Variants in DMD observed in about 807,000 individuals in gnomAD.
DMD encodes the protein dystrophin.
DMD carries 63 observed loss-of-function variants against 330.1 expected under a neutral mutation model. The ratio of observed to expected loss-of-function variants is 0.19; its 90% CI spans 0.16 to 0.24. The LOEUF is 0.24. Ranked by LOEUF, DMD falls within the 10% of genes least tolerant of loss-of-function variation. The probability of loss-of-function intolerance (pLI) is 1.00; values close to 1 mark genes in which losing one functional copy is unlikely to be tolerated. For missense variants in DMD, 3,344 were observed against 2,684.1 expected (o/e 1.25, Z -5.43); for synonymous variants, 1,223 against 959.8 (o/e 1.27, Z -5.07).
chrX:31,744,582 C>T (rs1312558508), intron 51 of DMD, among the ~76,000 whole-genome samples: 2 of 112,219 alleles, frequency 1.8e-5, no homozygotes, highest in Non-Finnish European at 3.8e-5. Flanking sequence ...TGTCCCTATT[C>T]AGAGGAATCT....
chrX:32,261,432 A>G (rs949539587), intron 43 of DMD, among the ~76,000 whole-genome samples: 6 of 111,840 alleles, frequency 5.4e-5, no homozygotes, highest in Non-Finnish European at 9.4e-5. Flanking sequence ...ATTCAATTAA[A>G]GTGCAGGGAG....
intron 2 of DMD, among the ~76,000 whole-genome samples, chrX:32,854,841 A>G (rs1352967777): frequency 8.9e-6 from 1 of 111,850 alleles, no homozygotes; most frequent in Non-Finnish European, 1.9e-5. Flanking sequence ...TGTGAGGCCA[A>G]TATTAGCCTG....
chrX:32,213,762 G>T (rs1251683767), intron 44 of DMD, among the ~76,000 whole-genome samples: 1 of 105,472 alleles, frequency 9.5e-6, no homozygotes, highest in Non-Finnish European at 2.0e-5. Context: ...ACCACCTGAG[G>T]TCGGAGATCT....
At chrX:32,750,392 A>G (rs2070655696) in intron 7 of DMD, among the ~76,000 whole-genome samples, 1 of 112,222 alleles carries the variant, frequency 8.9e-6, no homozygotes, top group Admixed American at 9.5e-5. Flanking sequence ...GAAAGAAGAG[A>G]AATCCACTTA....
intron 60 of DMD, among the ~76,000 whole-genome samples, chrX:31,355,967 G>C (rs558447171): frequency 9.0e-6 from 1 of 111,033 alleles, no homozygotes; most frequent in East Asian, 2.8e-4. Context: ...CACCTCTACC[G>C]GCCATCTTCT....
chrX:32,412,645 G>A (rs987112408), intron 29 of DMD, among the ~76,000 whole-genome samples: 5 of 111,505 alleles, frequency 4.5e-5, no homozygotes, highest in South Asian at 3.7e-4. Context: ...AGATTGGAAA[G>A]TCTCCCTTCA....
At chrX:32,600,031 T>C (rs925831321) in intron 12 of DMD, among the ~76,000 whole-genome samples, 1 of 112,429 alleles carries the variant, frequency 8.9e-6, no homozygotes, top group African/African-American at 3.2e-5. Context: ...AATAAGTCTC[T>C]AGTTAAAGGG....
intron 2 of DMD, among the ~76,000 whole-genome samples, chrX:32,850,373 C>G (rs564238547): frequency 8.9e-6 from 1 of 111,963 alleles, no homozygotes; most frequent in African/African-American, 3.2e-5. Context: ...CCTGTGAGAG[C>G]TTTTCATCTA....
chrX:32,236,391 G>C (rs983298999), intron 43 of DMD, among the ~76,000 whole-genome samples: 1 of 112,173 alleles, frequency 8.9e-6, no homozygotes, highest in Admixed American at 9.4e-5. Flanking sequence ...ATGAGAGTTT[G>C]TGACCTTTCA....
At chrX:32,386,584 G>A in intron 32 of DMD, 119 bp from the exon 33 acceptor site, 1 of 660,096 alleles carries the variant, frequency 1.5e-6, no homozygotes, top group Non-Finnish European at 2.3e-6. Context: ...AATTTTAATA[G>A]AGTAGCATTT....
intron 60 of DMD, among the ~76,000 whole-genome samples, chrX:31,384,102 A>T: frequency 9.0e-6 from 1 of 111,276 alleles, no homozygotes; most frequent in Non-Finnish European, 1.9e-5. Context: ...ACCCTCCTAG[A>T]CACTGCCATG....
chrX:32,408,014 C>T, intron 30 of DMD, among the ~76,000 whole-genome samples: 1 of 106,632 alleles, frequency 9.4e-6, no homozygotes, highest in Non-Finnish European at 1.9e-5. Flanking sequence ...AGGAGATATA[C>T]CTAATGTTAA....
intron 2 of DMD, among the ~76,000 whole-genome samples, chrX:32,900,900 T>A (rs1320784283): frequency 9.0e-6 from 1 of 111,395 alleles, no homozygotes; most frequent in East Asian, 2.8e-4. Flanking sequence ...TTGTAAATAT[T>A]GTATTATTAT....
chrX:33,123,749 A>T (rs1327173179), intron 1 of DMD, among the ~76,000 whole-genome samples: 2 of 106,099 alleles, frequency 1.9e-5, no homozygotes, highest in African/African-American at 6.9e-5. Context: ...TTTTCAGTCC[A>T]ATATTAAAAC....
At chrX:31,691,794 TAAGGG>T (rs2083143884) in intron 52 of DMD, among the ~76,000 whole-genome samples, 1 of 111,845 alleles carries the variant, frequency 8.9e-6, no homozygotes. Context: ...AAGCAAACAT[TAAGGG>T]ATCTGAAGGG....
chrX:32,935,771 G>C (rs774805195), intron 2 of DMD, among the ~76,000 whole-genome samples: 2 of 110,931 alleles, frequency 1.8e-5, no homozygotes, highest in Non-Finnish European at 3.8e-5. Context: ...TTAGACAACC[G>C]GTAATACTAA....
chrX:31,195,563 T>TCC (rs1310978056), intron 67 of DMD, among the ~76,000 whole-genome samples: 1 of 111,279 alleles, frequency 9.0e-6, no homozygotes, highest in Non-Finnish European at 1.9e-5. Flanking sequence ...CACTACTGCC[T>TCC]CCTACAATCC....
In DMD at chrX:32,783,030, GTGTTTA is replaced by G. The variant is rs757325286; in HGVS notation, c.649+26457_649+26462del. On this transcript the variant is annotated intron_variant, in intron 7 of 78. Transcript: ENST00000357033. The stretch of plus-strand genomic sequence containing the variant: ...ACACACGTATATATACATATATGGT[GTGTTTA>G]TATATATACACACACATATACATAT... Among the ~76,000 whole-genome samples the G allele has an allele frequency of 1.6e-4, 16 of 101,797 alleles. No individual in the cohort carries two copies. In the South Asian group the frequency reaches 6.9e-3, roughly 44 times the overall value. 88.4% of individuals were successfully genotyped at this position (101,797 alleles called of 115,157 possible).
chrX:32,584,471 C>A (rs978988318), intron 13 of DMD, among the ~76,000 whole-genome samples: 5 of 111,891 alleles, frequency 4.5e-5, no homozygotes, highest in Admixed American at 9.5e-5. Flanking sequence ...AATATACGTA[C>A]AATTTATGTT....
Sources: gnomAD v4.1 joint callset for allele counts (sites outside exome capture counted in the v4.1 genomes callset) on GRCh38, gnomAD v4.1.1 for gene constraint, MANE v1.5 for transcripts, NCBI Gene and HGNC (gene_info 2026-07-23, HGNC 2026-07-21) for gene names.